HMSD: variants seen among roughly 807,000 people sequenced by gnomAD.
HMSD encodes the protein serpin-like protein HMSD.
HMSD carries 13 observed loss-of-function variants against 10.0 expected under a neutral mutation model. That is an observed-to-expected ratio of 1.31 (90% confidence interval 0.85 to 2.08). The LOEUF (loss-of-function observed/expected upper bound fraction) is 2.08. Ranked by LOEUF, HMSD falls within the 30% of genes most tolerant of loss-of-function variation. The pLI, the probability that HMSD is intolerant of heterozygous loss-of-function variation, is 0.00. For synonymous variants in HMSD, 51 were observed against 54.2 expected, an observed-to-expected ratio of 0.94 and a Z score of 0.26; for missense variants, 169 against 166.3, an observed-to-expected ratio of 1.02 and a Z score of -0.09.
chr18:63,960,473 T>C lies in HMSD; in HGVS notation c.*118T>C. 2 of 1,379,932 alleles carry C rather than the reference T, an allele frequency of 1.4e-6. No individual in the cohort carries two copies. Among genetic ancestry groups the C allele is most frequent in the Non-Finnish European group, 9.5e-7 (1 of 1,047,130 alleles). 85.5% of individuals were successfully genotyped at this position (1,379,932 alleles called of 1,614,324 possible). A position where few individuals can be genotyped will look rare whatever the true frequency, so the allele number is the denominator to read the frequency against. On this transcript the variant is annotated 3_prime_UTR_variant, in exon 4 of 4. Transcript: ENST00000408945. ...CTTTTCCCTTATCAAGTATCTGTGA[T>C]GTCTCTCTAGATGAAATAATCTCTT...
rs2050381467 is a variant in HMSD at position 63,960,614 on chromosome 18, T to TACAGGCTTGAAATGC, written c.*261_*275dup. On this transcript the variant is annotated 3_prime_UTR_variant, in exon 4 of 4. Coordinates refer to ENST00000408945, the MANE Select transcript of HMSD (RefSeq NM_001123366.2). ...ACTGGTATTGCCATACTGTATGGTT[T>TACAGGCTTGAAATGC]ACAGGCTTGAAATGCAACTGCTGTG... 2.7e-6 allele frequency: 1 copy of TACAGGCTTGAAATGC among 374,032 alleles called. No homozygotes were observed. Among genetic ancestry groups the TACAGGCTTGAAATGC allele is most frequent in the South Asian group, 2.5e-5 (1 of 39,274 alleles). The allele number at this position is 374,032 out of a possible 1,614,324, so 23.2% of individuals were successfully genotyped here. A position where few individuals can be genotyped will look rare whatever the true frequency, so the allele number is the denominator to read the frequency against.
chr18:63,950,081 AC>A (rs1347266801), intron 1 of HMSD, among the ~76,000 whole-genome samples: 13 of 152,328 alleles, frequency 8.5e-5, no homozygotes, highest in African/African-American at 3.1e-4. Flanking sequence ...AATACATGTT[AC>A]AACAAAGCCA....
intron 3 of HMSD, among the ~76,000 whole-genome samples, chr18:63,955,423 TAC>T (rs1255492137): frequency 2.0e-5 from 3 of 152,208 alleles, no homozygotes; most frequent in Non-Finnish European, 4.4e-5. Context: ...AGTATTTCTT[TAC>T]ACAGTTTTGT....
At chr18:63,964,315 T>A (rs2050401772), downstream of HMSD, among the ~76,000 whole-genome samples, 1 of 151,968 alleles carries the variant, frequency 6.6e-6, no homozygotes, top group Non-Finnish European at 1.5e-5. Context: ...AGGTCAGGAG[T>A]TAGAGACCAT....
chr18:63,963,102 TTTC>T (rs1222950433), downstream of HMSD, among the ~76,000 whole-genome samples: 34 of 134,794 alleles, frequency 2.5e-4, no homozygotes, highest in Non-Finnish European at 1.4e-4. Flanking sequence ...TCTTTCTTTC[TTTC>T]TTTCTTTCTT....
At chr18:63,967,817 C>T (rs564111012) in intron 3 of HMSD, among the ~76,000 whole-genome samples, 4 of 152,204 alleles carry the variant, frequency 2.6e-5, no homozygotes, top group Non-Finnish European at 4.4e-5. Flanking sequence ...CTGTTGTGTC[C>T]CCAGTGGGCC....
At chr18:63,950,597 A>G (rs921302760) in intron 1 of HMSD, among the ~76,000 whole-genome samples, 1 of 152,042 alleles carries the variant, frequency 6.6e-6, no homozygotes, top group African/African-American at 2.4e-5. Flanking sequence ...TGAAGGCCTA[A>G]ATATTAAACC....
chr18:63,950,485 G>A (rs77266419), intron 1 of HMSD, among the ~76,000 whole-genome samples: 6,322 of 142,412 alleles, frequency 0.044, 498 homozygotes, highest in African/African-American at 0.16. Flanking sequence ...TTTCAATAAT[G>A]TTTACAAGAA....
At chr18:63,949,469 A>G in intron 1 of HMSD, 69 bp downstream of exon 1, 1 of 152,488 alleles carries the variant, frequency 6.6e-6, no homozygotes, top group East Asian at 1.9e-4. Context: ...AGCCCAGGAA[A>G]AGGGCGGGAA....
chr18:63,964,004 C>T (rs1479704899), downstream of HMSD, among the ~76,000 whole-genome samples: 4 of 152,224 alleles, frequency 2.6e-5, no homozygotes, highest in Non-Finnish European at 5.9e-5. Flanking sequence ...GATGCAACCT[C>T]TGGCAACTAT....
chr18:63,962,755 G>A (rs1461472871), downstream of HMSD, among the ~76,000 whole-genome samples: 1 of 152,206 alleles, frequency 6.6e-6, no homozygotes, highest in Non-Finnish European at 1.5e-5. Flanking sequence ...AGACTGAGAA[G>A]ATGGAGGCAG....
intron 1 of HMSD, among the ~76,000 whole-genome samples, chr18:63,952,033 G>A (rs375114233): frequency 1.0e-4 from 15 of 149,662 alleles, no homozygotes; most frequent in African/African-American, 3.5e-4. Context: ...GTAAACTATC[G>A]CAAGAACAAA....
At chr18:63,967,290 C>T (rs1329010245) in intron 3 of HMSD, among the ~76,000 whole-genome samples, 7 of 152,124 alleles carry the variant, frequency 4.6e-5, no homozygotes, top group South Asian at 4.1e-4. Flanking sequence ...CCTGCCACCA[C>T]GCCTGGCTCA....
At chr18:63,963,164 CTCTCTCT>C (rs2050396964), downstream of HMSD, among the ~76,000 whole-genome samples, 1 of 144,156 alleles carries the variant, frequency 6.9e-6, no homozygotes, top group Non-Finnish European at 1.5e-5. Flanking sequence ...TTCTTTCTTT[CTCTCTCT>C]CTCCCTTCCT....
downstream of HMSD, among the ~76,000 whole-genome samples, chr18:63,964,307 G>T (rs1475391745): frequency 6.6e-6 from 1 of 152,194 alleles, no homozygotes; most frequent in African/African-American, 2.4e-5. Flanking sequence ...ATCACCGGAG[G>T]TCAGGAGTTA....
chr18:63,952,778 A>AT (rs1411574047), intron 1 of HMSD, among the ~76,000 whole-genome samples: 1 of 152,144 alleles, frequency 6.6e-6, no homozygotes, highest in Admixed American at 6.5e-5. Context: ...TTTTCATGGC[A>AT]TTTTCTTTTT....
chr18:63,963,056 TTCTTTCTTTTCTTTC>T (rs1459511531), downstream of HMSD, among the ~76,000 whole-genome samples: 58 of 127,942 alleles, frequency 4.5e-4, 2 homozygotes, highest in African/African-American at 2.1e-3. Context: ...TTTTCTTTCT[TTCTTTCTTTTCTTTC>T]TCTTTCTTTC....
chr18:63,954,234 T>C (rs1484964661), intron 2 of HMSD, among the ~76,000 whole-genome samples, 174 bp from the exon 3 acceptor site: 1 of 152,222 alleles, frequency 6.6e-6, no homozygotes, highest in Non-Finnish European at 1.5e-5. Context: ...AGAAGAGGCA[T>C]AGGTAGGCAG....
At position 63,960,364 on chromosome 18, in the gene HMSD, C is replaced by T; in HGVS notation, c.*9C>T. ...AAAACTGTCAAATATAAAAAGGAGT[C>T]CTTTTTTCTCTAAACAACTATGCAA... On this transcript the variant is annotated 3_prime_UTR_variant, in exon 4 of 4. Coordinates refer to ENST00000408945, the MANE Select transcript of HMSD (RefSeq NM_001123366.2). 1.3e-6 allele frequency: 2 copies of T among 1,566,576 alleles called. No individual in the cohort carries two copies. The highest frequency in any genetic ancestry group is 1.9e-5 in the Admixed American group (1 of 53,876).
Sources: allele counts gnomAD v4.1 joint callset (sites outside exome capture counted in the v4.1 genomes callset), GRCh38; gene constraint gnomAD v4.1.1; transcripts MANE v1.5; gene names NCBI Gene and HGNC (gene_info 2026-07-23, HGNC 2026-07-21).